The following RHOA variants were observed in gnomAD, a reference collection of about 807,000 sequenced individuals.
RHOA encodes transforming protein RhoA.
In RHOA, 3 loss-of-function variants were observed where a neutral mutation model predicts 17.5. That is an observed-to-expected ratio of 0.17 (90% CI 0.08 to 0.44). The LOEUF is 0.44. Among genes scored for constraint, RHOA ranks in the 20% least tolerant of loss-of-function variants. The pLI is 0.99. For missense variants in RHOA, 56 were observed against 242.3 expected, an observed-to-expected ratio of 0.23 and a Z score of 5.10; for synonymous variants, 98 against 88.4, an observed-to-expected ratio of 1.11 and a Z score of -0.61.
At chr3:49,386,523 T>C (rs1230716988) in intron 1 of RHOA, among the ~76,000 whole-genome samples, 4 of 152,180 alleles carry the variant, frequency 2.6e-5, no homozygotes, top group Non-Finnish European at 4.4e-5. Context: ...AGAGGCAGAA[T>C]TGGACACTGA....
intron 4 of RHOA, among the ~76,000 whole-genome samples, chr3:49,361,321 G>C (rs919346356): frequency 6.6e-6 from 1 of 152,112 alleles, no homozygotes; most frequent in African/African-American, 2.4e-5. Context: ...CATTCAGACA[G>C]AGAAACCTGA....
chr3:49,409,833 C>T (rs1270175578), intron 1 of RHOA, among the ~76,000 whole-genome samples: 2 of 152,198 alleles, frequency 1.3e-5, no homozygotes, highest in Non-Finnish European at 2.9e-5. Flanking sequence ...ACTTGATACA[C>T]GCAGTACCCC....
intron 1 of RHOA, among the ~76,000 whole-genome samples, chr3:49,401,932 T>C (rs888820596): frequency 6.6e-6 from 1 of 152,208 alleles, no homozygotes; most frequent in Non-Finnish European, 1.5e-5. Flanking sequence ...CCTGATCAAG[T>C]GGCTGCCAAG....
chr3:49,384,497 T>C (rs538295753), intron 1 of RHOA, among the ~76,000 whole-genome samples: 1 of 152,050 alleles, frequency 6.6e-6, no homozygotes, highest in African/African-American at 2.4e-5. Flanking sequence ...ATAACAGTAT[T>C]TCTTTTACAA....
intron 4 of RHOA, among the ~76,000 whole-genome samples, chr3:49,362,194 A>T (rs2107829353): frequency 6.6e-6 from 1 of 152,340 alleles, no homozygotes; most frequent in East Asian, 1.9e-4. Flanking sequence ...ATCAAAAAAA[A>T]GAAAGTTCCT....
rs1300727705 is a variant in RHOA, at chr3:49,368,492, G to A, written c.213C>T (p.Pro71=). The A allele has an allele frequency of 3.7e-6, 6 of 1,613,848 alleles. No homozygotes were observed. The highest frequency in any genetic ancestry group is 5.1e-6 in the Non-Finnish European group (6 of 1,179,976). ...AGQEDYDRLR[P]LSYPDTDVIL... is the part of the protein sequence containing the mutation. ...TAACATCGGTATCTGGGTAGGAGAG[G>A]GGCCTCAGGCGATCATAATCTTCCT... Residue 71 remains proline (P), a synonymous_variant, in exon 3 of 5, where the codon CCC becomes CCT. Coordinates refer to ENST00000418115, the MANE Select transcript of RHOA (RefSeq NM_001664.4).
At chr3:49,401,730 G>A (rs1441267557) in intron 1 of RHOA, among the ~76,000 whole-genome samples, 3 of 151,944 alleles carry the variant, frequency 2.0e-5, no homozygotes, top group African/African-American at 7.3e-5. Flanking sequence ...AAAATGCTTG[G>A]GCCCAGAAGT....
chr3:49,372,854 G>C (rs1046104425), intron 2 of RHOA, among the ~76,000 whole-genome samples: 2 of 151,708 alleles, frequency 1.3e-5, no homozygotes, highest in Admixed American at 1.3e-4. Context: ...ACAGAACCTT[G>C]ATGTCACCTA....
chr3:49,395,873 C>T (rs1007613247), intron 1 of RHOA, among the ~76,000 whole-genome samples: 2 of 152,058 alleles, frequency 1.3e-5, no homozygotes, highest in Admixed American at 6.6e-5. Context: ...TCTAAGGAGG[C>T]GTTTTCCAAA....
chr3:49,392,409 T>A (rs919607871), intron 1 of RHOA, among the ~76,000 whole-genome samples: 1 of 152,070 alleles, frequency 6.6e-6, no homozygotes, highest in Non-Finnish European at 1.5e-5. Flanking sequence ...ACCATTGCTC[T>A]CCAGCCTGGG....
At chr3:49,369,753 A>T (rs555941238) in intron 2 of RHOA, among the ~76,000 whole-genome samples, 6 of 149,852 alleles carry the variant, frequency 4.0e-5, no homozygotes, top group East Asian at 2.0e-4. Flanking sequence ...TAAAAAAAAA[A>T]AAAATAAATA....
At chr3:49,369,504 G>A (rs942832647) in intron 2 of RHOA, among the ~76,000 whole-genome samples, 1 of 151,374 alleles carries the variant, frequency 6.6e-6, no homozygotes, top group Non-Finnish European at 1.5e-5. Flanking sequence ...AGGCTGAGGC[G>A]GGCTGACTGC....
intron 1 of RHOA, among the ~76,000 whole-genome samples, chr3:49,376,643 A>AC (rs2048232503): frequency 7.2e-6 from 1 of 138,144 alleles, no homozygotes; most frequent in African/African-American, 2.8e-5. Flanking sequence ...ACTCCATCTC[A>AC]CAAAAAAAAA....
intron 1 of RHOA, among the ~76,000 whole-genome samples, chr3:49,390,798 C>T (rs761714037): frequency 7.2e-5 from 11 of 151,964 alleles, no homozygotes; most frequent in Non-Finnish European, 4.4e-5. Context: ...TAAAAGAGTA[C>T]GGGGCCAGGT....
At chr3:49,362,449 G>A (rs1189066652) in intron 4 of RHOA, 47 bp downstream of exon 4, 1 of 1,520,500 alleles carries the variant, frequency 6.6e-7, no homozygotes, top group East Asian at 2.4e-5. Flanking sequence ...CCAAACTTGG[G>A]GCCCTAGTTC....
chr3:49,368,323 G>T, intron 3 of RHOA, 105 bp downstream of exon 3: 2 of 1,396,654 alleles, frequency 1.4e-6, no homozygotes, highest in Non-Finnish European at 2.0e-6. Context: ...GACGATGATT[G>T]CTTCTCTGAA....
intron 1 of RHOA, among the ~76,000 whole-genome samples, chr3:49,393,578 G>A (rs2048549211): frequency 1.4e-5 from 2 of 146,870 alleles, no homozygotes; most frequent in South Asian, 4.4e-4. Context: ...GATTACAGGT[G>A]TAGGCCACTG....
chr3:49,389,575 T>C (rs1010226269), intron 1 of RHOA, among the ~76,000 whole-genome samples: 1 of 152,174 alleles, frequency 6.6e-6, no homozygotes, highest in African/African-American at 2.4e-5. Flanking sequence ...CACTTCTTAC[T>C]TCTTACAGCA....
intron 1 of RHOA, among the ~76,000 whole-genome samples, chr3:49,397,288 A>C (rs1200669391): frequency 6.6e-6 from 1 of 152,176 alleles, no homozygotes; most frequent in Non-Finnish European, 1.5e-5. Flanking sequence ...AAAGTAGATT[A>C]GTGGTTACCT....
Sources: gnomAD v4.1 joint callset for allele counts (sites outside exome capture counted in the v4.1 genomes callset) on GRCh38, gnomAD v4.1.1 for gene constraint, MANE v1.5 for transcripts, NCBI Gene and HGNC (gene_info 2026-07-23, HGNC 2026-07-21) for gene names.